Variants in SLC9A9 observed in about 807,000 individuals in gnomAD.
The protein encoded by SLC9A9 is solute carrier family 9 member A9.
A neutral mutation model predicts 77.8 loss-of-function variants in SLC9A9; 62 were observed. That is an observed-to-expected ratio of 0.80 (90% confidence interval 0.65 to 0.98). The LOEUF (loss-of-function observed/expected upper bound fraction) is 0.98, where lower values mean the gene tolerates loss of function less well. SLC9A9 is among the 50% of genes least tolerant of loss of function. The pLI, the probability that SLC9A9 is intolerant of heterozygous loss-of-function variation, is 0.00. For missense variants in SLC9A9, 775 were observed against 774.9 expected (o/e 1.00, Z 0.00); for synonymous variants, 320 against 283.5 (o/e 1.13, Z -1.29).
chr3:143,753,521 C>G (rs188628460), intron 4 of SLC9A9, among the ~76,000 whole-genome samples: 119 of 152,344 alleles, frequency 7.8e-4, no homozygotes, highest in South Asian at 1.5e-3. Context: ...TAATGCTGCA[C>G]AAGCATTTTG....
At chr3:143,800,580 C>T (rs568735747) in intron 2 of SLC9A9, among the ~76,000 whole-genome samples, 1 of 152,330 alleles carries the variant, frequency 6.6e-6, no homozygotes, top group East Asian at 1.9e-4. Flanking sequence ...ATCCCAGTCT[C>T]TCTTTGCTTT....
chr3:143,490,743 T>G (rs1176856557), intron 11 of SLC9A9, among the ~76,000 whole-genome samples: 2 of 152,192 alleles, frequency 1.3e-5, no homozygotes. Flanking sequence ...TTGCTGTGGC[T>G]ATGAGTCTCA....
intron 14 of SLC9A9, among the ~76,000 whole-genome samples, chr3:143,340,648 T>C (rs2032070755): frequency 6.6e-6 from 1 of 152,198 alleles, no homozygotes; most frequent in African/African-American, 2.4e-5. Context: ...GAAAGGGGCA[T>C]TAACTCCTTA....
chr3:143,438,466 T>C (rs73867635), intron 12 of SLC9A9, among the ~76,000 whole-genome samples: 2,102 of 152,178 alleles, frequency 0.014, 49 homozygotes, highest in African/African-American at 0.047. Context: ...GTGGTGGAAG[T>C]TGGAAGAGGA....
chr3:143,272,237 C>T (rs900583490), intron 14 of SLC9A9, among the ~76,000 whole-genome samples: 2 of 152,132 alleles, frequency 1.3e-5, no homozygotes, highest in Non-Finnish European at 2.9e-5. Context: ...TTTCATGTGC[C>T]AAGCTAGTGA....
intron 12 of SLC9A9, among the ~76,000 whole-genome samples, chr3:143,446,879 TGTG>T (rs2034854825): frequency 1.9e-5 from 1 of 52,408 alleles, no homozygotes; most frequent in Non-Finnish European, 3.4e-5. Context: ...GGTGTGTATG[TGTG>T]TGTGTGTGTG....
chr3:143,608,012 G>A (rs2037956484), intron 6 of SLC9A9, among the ~76,000 whole-genome samples: 3 of 152,020 alleles, frequency 2.0e-5, no homozygotes, highest in Admixed American at 2.0e-4. Flanking sequence ...CAAAGGTCTA[G>A]TAATAGAAAA....
chr3:143,354,352 G>T (rs1325338713), intron 14 of SLC9A9, among the ~76,000 whole-genome samples: 1 of 152,188 alleles, frequency 6.6e-6, no homozygotes, highest in Non-Finnish European at 1.5e-5. Context: ...CTCATGAGTT[G>T]GTTTGACATA....
At chr3:143,672,548 T>C (rs9876883) in intron 5 of SLC9A9, among the ~76,000 whole-genome samples, 127,618 of 152,166 alleles carry the variant, frequency 0.84, 53,560 homozygotes, top group South Asian at 0.88. Flanking sequence ...AGTTCCACGA[T>C]GAATGAAAAA....
intron 9 of SLC9A9, among the ~76,000 whole-genome samples, chr3:143,519,777 T>G (rs1300061310): frequency 1.3e-5 from 2 of 151,466 alleles, no homozygotes; most frequent in Non-Finnish European, 2.9e-5. Context: ...TAGAGAGAGG[T>G]GAGAGGATTT....
At chr3:143,700,859 C>T (rs1445041085) in intron 4 of SLC9A9, among the ~76,000 whole-genome samples, 1 of 152,246 alleles carries the variant, frequency 6.6e-6, no homozygotes, top group African/African-American at 2.4e-5. Context: ...AGACCCAGTG[C>T]TGTGCTGGCT....
intron 4 of SLC9A9, among the ~76,000 whole-genome samples, chr3:143,728,257 T>C (rs538353495): frequency 1.3e-5 from 2 of 152,234 alleles, no homozygotes; most frequent in East Asian, 3.9e-4. Context: ...AAACGACCTG[T>C]CAGTGGTGGA....
At position 143,308,555 on chromosome 3, in the gene SLC9A9, G is replaced by A. The variant is rs113194875; in HGVS notation, c.1605-39575C>T. 9.9e-3 allele frequency among the ~76,000 whole-genome samples: 1,491 copies of A among 150,436 alleles called. 32 individuals carry two copies. The highest frequency in any genetic ancestry group is 0.034 in the African/African-American group (1,395 of 40,928). On this transcript the variant is annotated intron_variant, in intron 14 of 15. Coordinates refer to ENST00000316549, the MANE Select transcript of SLC9A9 (RefSeq NM_173653.4). ...CGCACCACTGCACTCCAGCCTGGGCGACAGAGCGAGACTCTGTCTCAAAAA... is the reference window on the plus strand; with the variant it reads ...CGCACCACTGCACTCCAGCCTGGGCAACAGAGCGAGACTCTGTCTCAAAAA...
intron 11 of SLC9A9, among the ~76,000 whole-genome samples, chr3:143,482,828 A>G (rs2035594547): frequency 6.6e-6 from 1 of 152,246 alleles, no homozygotes; most frequent in African/African-American, 2.4e-5. Context: ...TAATTTAAAC[A>G]ACAGAGTGTT....
In SLC9A9 at chr3:143,620,137, C is replaced by T. The variant is rs183363248; in HGVS notation, c.755+32118G>A. ...TGTTCATTTGCAGGGAGAATCCTAC[C>T]TTTAAAAGACTTTTTTGATCTATTT... is the stretch of plus-strand genomic sequence containing the variant. On this transcript the variant is annotated intron_variant, in intron 6 of 15. Transcript: ENST00000316549. Among the ~76,000 whole-genome samples, 8 of 152,264 alleles carry T rather than the reference C, an allele frequency of 5.3e-5. No homozygotes were observed. The East Asian group carries it at 1.5e-3, about 29-fold the overall frequency.
At chr3:143,789,413 T>C (rs555895382) in intron 4 of SLC9A9, among the ~76,000 whole-genome samples, 11 of 152,342 alleles carry the variant, frequency 7.2e-5, no homozygotes, top group Admixed American at 3.3e-4. Context: ...TGAAAAATTC[T>C]CTGCTTCCCT....
chr3:143,711,499 A>C (rs896137225), intron 4 of SLC9A9, among the ~76,000 whole-genome samples: 1 of 151,934 alleles, frequency 6.6e-6, no homozygotes, highest in African/African-American at 2.4e-5. Flanking sequence ...TCCTGGGCTC[A>C]AGGTCTCCTG....
intron 4 of SLC9A9, among the ~76,000 whole-genome samples, chr3:143,718,677 C>A (rs966710971): frequency 9.2e-5 from 14 of 152,312 alleles, no homozygotes; most frequent in Admixed American, 6.5e-5. Flanking sequence ...CTCCCACAGG[C>A]TTTTCCGGCT....
intron 14 of SLC9A9, among the ~76,000 whole-genome samples, chr3:143,341,340 C>A (rs182984385): frequency 1.2e-3 from 186 of 152,240 alleles, no homozygotes; most frequent in Non-Finnish European, 1.0e-3. Flanking sequence ...AATTTGGGAA[C>A]TCCAGAGTAG....
Sources: allele counts gnomAD v4.1 joint callset (sites outside exome capture counted in the v4.1 genomes callset), GRCh38; gene constraint gnomAD v4.1.1; transcripts MANE v1.5; gene names NCBI Gene and HGNC (gene_info 2026-07-23, HGNC 2026-07-21).